Variants in SLC13A3 observed in about 807,000 individuals in gnomAD.
The protein encoded by SLC13A3 is solute carrier family 13 member 3, also known as Na(+)/dicarboxylate cotransporter 3.
SLC13A3 carries 40 observed loss-of-function variants against 59.0 expected under a neutral mutation model. The ratio of observed to expected loss-of-function variants is 0.68; its 90% CI spans 0.53 to 0.88. The LOEUF is 0.88. Among genes scored for constraint, SLC13A3 ranks in the 40% least tolerant of loss-of-function variants. The pLI is 0.00. For synonymous variants in SLC13A3, 317 were observed against 330.3 expected (o/e 0.96, Z 0.44); for missense variants, 699 against 783.2 (o/e 0.89, Z 1.28).
At position 46,576,665 on chromosome 20, in the gene SLC13A3, G is replaced by A. The variant is rs542953615; in HGVS notation, c.1220-980C>T. Among the ~76,000 whole-genome samples, 4 of 152,234 alleles carry A rather than the reference G, an allele frequency of 2.6e-5. No homozygotes were observed. In the South Asian group the frequency reaches 8.3e-4, roughly 32 times the overall value. On this transcript the variant is annotated intron_variant, in intron 9 of 12. Coordinates refer to ENST00000279027, the MANE Select transcript of SLC13A3 (RefSeq NM_022829.6). Reference sequence around the variant, plus strand: ...ACATGACACACTTAGACCCATGCCTGGTGCAGGGTAATCACTCCTGAAATA... The same window carrying A: ...ACATGACACACTTAGACCCATGCCTAGTGCAGGGTAATCACTCCTGAAATA...
intron 1 of SLC13A3, among the ~76,000 whole-genome samples, chr20:46,660,482 T>C (rs901071126): frequency 6.6e-6 from 1 of 152,138 alleles, no homozygotes; most frequent in Non-Finnish European, 1.5e-5. Flanking sequence ...CTGTAAGTAA[T>C]GTCTGGTAAG....
intron 4 of SLC13A3, among the ~76,000 whole-genome samples, chr20:46,597,505 C>T (rs1268186270): frequency 3.9e-5 from 6 of 152,176 alleles, no homozygotes; most frequent in Non-Finnish European, 8.8e-5. Context: ...GGCATGATCT[C>T]GGCTCACTGC....
chr20:46,567,930 T>C (rs2061994610), intron 10 of SLC13A3, among the ~76,000 whole-genome samples: 2 of 152,206 alleles, frequency 1.3e-5, no homozygotes, highest in Admixed American at 1.3e-4. Context: ...GTTTTGGAGC[T>C]GATCTAGGGC....
At position 46,583,689 on chromosome 20, in the gene SLC13A3, A is replaced by T. The variant is rs375604781; in HGVS notation, c.1122-20T>A. On this transcript the variant is annotated intron_variant, in intron 8 of 12. Transcript: ENST00000279027. ...AGAAACCTACAATGAGAAGGCCCCA[A>T]ATCACGTGACCATGGGCATCTCAGC... The T allele has an allele frequency of 2.5e-6, 4 of 1,613,854 alleles. No homozygotes were observed. The African/African-American group carries it at 5.3e-5, about 22-fold the overall frequency.
At chr20:46,639,203 G>A (rs2062822988) in intron 1 of SLC13A3, among the ~76,000 whole-genome samples, 1 of 151,732 alleles carries the variant, frequency 6.6e-6, no homozygotes, top group South Asian at 2.1e-4. Flanking sequence ...TAGCACTTTG[G>A]GAGGTTAAGG....
chr20:46,599,318 T>C (rs2062348956), intron 4 of SLC13A3, among the ~76,000 whole-genome samples: 1 of 152,274 alleles, frequency 6.6e-6, no homozygotes, highest in Admixed American at 6.5e-5. Context: ...GGCTCCCTGT[T>C]GTGTCATCAC....
chr20:46,563,285 C>T, intron 12 of SLC13A3, 129 bp downstream of exon 12: 1 of 1,068,310 alleles, frequency 9.4e-7, no homozygotes, highest in South Asian at 1.8e-5. Context: ...TTCCTGGTCC[C>T]ACTCAGAAAG....
intron 1 of SLC13A3, among the ~76,000 whole-genome samples, chr20:46,679,474 C>T (rs1442830288): frequency 4.6e-5 from 7 of 152,178 alleles, no homozygotes; most frequent in Admixed American, 1.3e-4. Flanking sequence ...ATTCGCCGGG[C>T]GTGGTGGCGG....
intron 10 of SLC13A3, among the ~76,000 whole-genome samples, chr20:46,574,839 C>CT (rs61006260): frequency 0.8 from 113,128 of 141,450 alleles, 45,451 homozygotes; most frequent in East Asian, 0.87. Context: ...TTTTCTTTTT[C>CT]TTTTTTTTTT....
rs765567759 is a variant in SLC13A3 at position 46,588,169 on chromosome 20, G to A, written c.1017-6C>T. The A allele has an allele frequency of 6.3e-7, 1 of 1,583,152 alleles. No individual in the cohort carries two copies. The highest frequency in any genetic ancestry group is 2.2e-5 in the East Asian group (1 of 44,536). The stretch of plus-strand genomic sequence containing the variant: ...AAACAGCCTGTTCGGCAAACCTGTG[G>A]CACAGACATGCAGGCATGATGGTGA... On this transcript the variant is annotated splice_region_variant and splice_polypyrimidine_tract_variant and intron_variant, in intron 7 of 12. Transcript: ENST00000279027.
rs867512864 is a variant in SLC13A3, at chr20:46,575,587, C to A, written c.1318G>T (p.Ala440Ser). The A allele has an allele frequency of 1.9e-6, 3 of 1,599,286 alleles. No individual in the cohort carries two copies. Among genetic ancestry groups the A allele is most frequent in the Non-Finnish European group, 2.6e-6 (3 of 1,171,968 alleles). The change falls in exon 10 of 13, where the codon GCC becomes TCC. Residue 440 changes from alanine (A) to serine (S), a missense_variant. Ala to Ser is a moderately conservative substitution (Grantham distance 99). Transcript: ENST00000279027. Reference sequence around the variant, plus strand: ...GGGGGTCTTACCTCACAGCCTTTGGCCATGGCGAAGCCCCCTCCCAGGAGA... The same window carrying A: ...GGGGGTCTTACCTCACAGCCTTTGGACATGGCGAAGCCCCCTCCCAGGAGA... ...ILLLGGGFAM[A>S]KGCEESGLSV...
chr20:46,590,426 G>C (rs1055933941), intron 6 of SLC13A3, among the ~76,000 whole-genome samples: 1 of 152,008 alleles, frequency 6.6e-6, no homozygotes, highest in Non-Finnish European at 1.5e-5. Flanking sequence ...TGTAGAATAA[G>C]CACTCATCTT....
intron 11 of SLC13A3, among the ~76,000 whole-genome samples, chr20:46,564,150 C>T (rs973511227): frequency 4.6e-5 from 7 of 152,232 alleles, no homozygotes; most frequent in Non-Finnish European, 1.0e-4. Flanking sequence ...AATCTCAACC[C>T]AGAGTTGGCC....
rs371940594 is a variant in SLC13A3 at position 46,596,412 on chromosome 20, G to C, written c.609-70C>G. ...CAGGCCACAGACTGCCTGGGAGTTG[G>C]GGAGCTAAGTGATCTTTCTAGAAGG... On this transcript the variant is annotated intron_variant, in intron 4 of 12. Transcript: ENST00000279027. The C allele has an allele frequency of 7.8e-6, 11 of 1,415,458 alleles. No individual in the cohort carries two copies. The African/African-American group carries it at 1.6e-4, about 20-fold the overall frequency. 87.7% of individuals were successfully genotyped at this position (1,415,458 alleles called of 1,614,324 possible). A position where few individuals can be genotyped will look rare whatever the true frequency, so the allele number is the denominator to read the frequency against.
upstream of SLC13A3, among the ~76,000 whole-genome samples, chr20:46,652,474 A>G (rs772364583): frequency 1.3e-5 from 2 of 151,506 alleles, no homozygotes; most frequent in African/African-American, 4.9e-5. Context: ...GATCACTGCA[A>G]CCTCTGCCTC....
At chr20:46,623,112 GACAGGA>G (rs1219146032) in intron 1 of SLC13A3, among the ~76,000 whole-genome samples, 4 of 152,140 alleles carry the variant, frequency 2.6e-5, no homozygotes, top group African/African-American at 7.2e-5. Context: ...ATTTTATGAG[GACAGGA>G]TAACCCTGTT....
At chr20:46,671,434 G>A (rs1043647486), upstream of SLC13A3, among the ~76,000 whole-genome samples, 5 of 151,888 alleles carry the variant, frequency 3.3e-5, no homozygotes, top group South Asian at 4.2e-4. Context: ...CTGCACACTC[G>A]TCTCCAAGTC....
chr20:46,623,612 G>A (rs1430035034), intron 1 of SLC13A3, among the ~76,000 whole-genome samples: 1 of 152,210 alleles, frequency 6.6e-6, no homozygotes, highest in African/African-American at 2.4e-5. Context: ...ATACAATGCT[G>A]TGTCCCAGGT....
intron 6 of SLC13A3, among the ~76,000 whole-genome samples, chr20:46,590,057 T>C (rs938551533): frequency 6.6e-6 from 1 of 152,084 alleles, no homozygotes; most frequent in African/African-American, 2.4e-5. Context: ...CCATCAAAGA[T>C]AGATAAATTT....
Sources: gnomAD v4.1 joint callset for allele counts (sites outside exome capture counted in the v4.1 genomes callset) on GRCh38, gnomAD v4.1.1 for gene constraint, MANE v1.5 for transcripts, NCBI Gene and HGNC (gene_info 2026-07-23, HGNC 2026-07-21) for gene names.